The following TSPAN18 variants were observed in gnomAD, a reference collection of about 807,000 sequenced individuals.
TSPAN18 encodes tetraspanin-18.
A neutral mutation model predicts 27.3 loss-of-function variants in TSPAN18; 14 were observed. The ratio of observed to expected loss-of-function variants is 0.51; its 90% CI spans 0.34 to 0.80. The LOEUF is 0.80. Ranked by LOEUF, TSPAN18 falls within the 30% of genes least tolerant of loss-of-function variation. The pLI is 0.01. For synonymous variants in TSPAN18, 143 were observed against 136.5 expected, an observed-to-expected ratio of 1.05 and a Z score of -0.33; for missense variants, 268 against 323.9, an observed-to-expected ratio of 0.83 and a Z score of 1.32.
rs1554941244 is a variant in TSPAN18, at chr11:44,924,097, T to TGTGTGTGTGTG, written c.616-2577_616-2576insGTGTGTGTGTG. Among the ~76,000 whole-genome samples the TGTGTGTGTGTG allele has an allele frequency of 1.5e-3, 214 of 145,874 alleles. 2 individuals carry two copies. Among genetic ancestry groups the TGTGTGTGTGTG allele is most frequent in the African/African-American group, 5.3e-3 (208 of 38,970 alleles). Reference sequence around the variant, plus strand: ...CTGCTTCTCCTGTCCCCTTCTGGGGTTGTGTGTGTGTGTGTGTGTGTGTGT... The same window carrying TGTGTGTGTGTG: ...CTGCTTCTCCTGTCCCCTTCTGGGGTGTGTGTGTGTGTGTGTGTGTGTGTGTGTGTGTGTGT... On this transcript the variant is annotated intron_variant, in intron 8 of 9. Transcript: ENST00000520358.
At chr11:44,888,845 T>C (rs1858748561) in intron 3 of TSPAN18, among the ~76,000 whole-genome samples, 1 of 152,188 alleles carries the variant, frequency 6.6e-6, no homozygotes, top group Admixed American at 6.5e-5. Flanking sequence ...ACCACGAGGA[T>C]GGTGATATAG....
intron 3 of TSPAN18, among the ~76,000 whole-genome samples, chr11:44,905,998 T>G (rs1859439325): frequency 6.6e-6 from 1 of 152,124 alleles, no homozygotes; most frequent in Non-Finnish European, 1.5e-5. Flanking sequence ...TTTTCTCATC[T>G]ATGAAATGGC....
At chr11:44,900,335 G>C (rs1281768362) in intron 3 of TSPAN18, among the ~76,000 whole-genome samples, 1 of 152,218 alleles carries the variant, frequency 6.6e-6, no homozygotes, top group Non-Finnish European at 1.5e-5. Flanking sequence ...AGACAGGTCT[G>C]CACTTTGGAG....
rs537863615 is a variant in TSPAN18, at chr11:44,920,503, CA to C, written c.615+505del. On this transcript the variant is annotated intron_variant, in intron 8 of 9. Transcript: ENST00000520358. ...CTCTTGCAACCTGAGGACTTCCTCGCAGCCTTGGAAGAAACCCTTTCCCTTC... is the reference window on the plus strand; with the variant it reads ...CTCTTGCAACCTGAGGACTTCCTCGCGCCTTGGAAGAAACCCTTTCCCTTC... Among the ~76,000 whole-genome samples the C allele has an allele frequency of 1.2e-4, 18 of 152,312 alleles. No homozygotes were observed. In the South Asian group the frequency reaches 3.7e-3, roughly 32 times the overall value.
intron 3 of TSPAN18, among the ~76,000 whole-genome samples, chr11:44,861,982 C>A (rs1241457346): frequency 1.3e-5 from 2 of 152,166 alleles, no homozygotes; most frequent in African/African-American, 4.8e-5. Flanking sequence ...CTTGAGTAGA[C>A]CTCCACTCGC....
At chr11:44,838,226 C>T (rs1293333495) in intron 2 of TSPAN18, among the ~76,000 whole-genome samples, 1 of 152,046 alleles carries the variant, frequency 6.6e-6, no homozygotes, top group Non-Finnish European at 1.5e-5. Flanking sequence ...GCTGGGGAGG[C>T]CTCACAATCA....
chr11:44,786,526 G>T (rs1278604523), intron 2 of TSPAN18, among the ~76,000 whole-genome samples: 1 of 152,034 alleles, frequency 6.6e-6, no homozygotes, highest in Non-Finnish European at 1.5e-5. Context: ...AAGCATGAGG[G>T]CTCTCCTCCC....
intron 3 of TSPAN18, among the ~76,000 whole-genome samples, chr11:44,872,937 G>A (rs938956777): frequency 1.3e-5 from 2 of 152,208 alleles, no homozygotes; most frequent in Admixed American, 1.3e-4. Flanking sequence ...TGCATGCTGA[G>A]TGTTCCGACA....
At chr11:44,918,151 A>C (rs1484790363) in intron 6 of TSPAN18, 105 bp downstream of exon 6, 1 of 1,216,248 alleles carries the variant, frequency 8.2e-7, no homozygotes, top group Non-Finnish European at 1.2e-6. Flanking sequence ...GAGAGTGGGC[A>C]GCCTCTCATC....
chr11:44,909,845 C>G lies in TSPAN18; in HGVS notation c.204C>G (p.Leu68=), dbSNP rs200109095. ...CCATGGGGGGCCTGCTCTTTCTGCT[C>G]GGCTTCCTGGGCTGCTGCGGGGCCG... The part of the protein sequence containing the change: ...LLAMGGLLFL[L]GFLGCCGAVR... The change falls in exon 5 of 10, where the codon CTC becomes CTG. Residue 68 remains leucine (L), a synonymous_variant. Coordinates refer to ENST00000520358, the MANE Select transcript of TSPAN18 (RefSeq NM_130783.5). The G allele has an allele frequency of 6.2e-7, 1 of 1,614,068 alleles. No homozygotes were observed. Among genetic ancestry groups the G allele is most frequent in the Non-Finnish European group, 8.5e-7 (1 of 1,180,016 alleles).
chr11:44,740,369 C>T (rs180969860), intron 1 of TSPAN18, among the ~76,000 whole-genome samples: 1 of 152,138 alleles, frequency 6.6e-6, no homozygotes, highest in South Asian at 2.1e-4. Flanking sequence ...GTTTTATTTT[C>T]CTTTCCAGAG....
intron 6 of TSPAN18, 151 bp from the exon 7 acceptor site, chr11:44,919,063 G>A: frequency 1.5e-6 from 1 of 651,578 alleles, no homozygotes; most frequent in South Asian, 1.7e-5. Flanking sequence ...CAAGTTGGTG[G>A]TTTAGGAGAA....
In TSPAN18 at chr11:44,807,226, AAAAAAAAAAAG is replaced by A. The variant is rs1209716904; in HGVS notation, c.-153+42717_-153+42727del. Among the ~76,000 whole-genome samples, 27 of 22,906 alleles carry A rather than the reference AAAAAAAAAAAG, an allele frequency of 1.2e-3. 4 individuals are homozygous for A. Among genetic ancestry groups the A allele is most frequent in the African/African-American group, 1.8e-3 (26 of 14,514 alleles). The allele number at this position is 22,906 out of a possible 152,430, so 15.0% of individuals were successfully genotyped here. ...AAAAAAAAAAAAAAAAAAAAAAAAA[AAAAAAAAAAAG>A]AAGGAAAGAGGCCAGGCACCGTGGC... is the stretch of plus-strand genomic sequence containing the variant. On this transcript the variant is annotated intron_variant, in intron 2 of 9. Transcript: ENST00000520358.
chr11:44,920,169 C>G (rs1355721467), intron 8 of TSPAN18, among the ~76,000 whole-genome samples, 170 bp downstream of exon 8: 1 of 152,194 alleles, frequency 6.6e-6, no homozygotes, highest in South Asian at 2.1e-4. Context: ...GATGGAGGCT[C>G]TCTGTCCAAG....
intron 2 of TSPAN18, among the ~76,000 whole-genome samples, chr11:44,816,368 T>G (rs1186161656): frequency 6.6e-6 from 1 of 152,360 alleles, no homozygotes; most frequent in East Asian, 1.9e-4. Flanking sequence ...ATGCATGTGC[T>G]TGTACCAGCT....
At chr11:44,831,539 C>T (rs1857153428) in intron 2 of TSPAN18, among the ~76,000 whole-genome samples, 1 of 152,212 alleles carries the variant, frequency 6.6e-6, no homozygotes, top group South Asian at 2.1e-4. Context: ...CATCACTGTG[C>T]TTGTTTACAC....
chr11:44,911,459 A>C (rs1022733445), intron 5 of TSPAN18, among the ~76,000 whole-genome samples: 8 of 152,176 alleles, frequency 5.3e-5, no homozygotes, highest in African/African-American at 1.9e-4. Flanking sequence ...TCAACAGCGC[A>C]AACACTGCAG....
At chr11:44,809,696 G>A (rs1471179349) in intron 2 of TSPAN18, among the ~76,000 whole-genome samples, 1 of 152,172 alleles carries the variant, frequency 6.6e-6, no homozygotes, top group Non-Finnish European at 1.5e-5. Context: ...GGGCAAGGCA[G>A]GCTGGCACCA....
At chr11:44,810,013 G>A (rs1856679599) in intron 2 of TSPAN18, among the ~76,000 whole-genome samples, 2 of 152,192 alleles carry the variant, frequency 1.3e-5, no homozygotes, top group Admixed American at 6.5e-5. Context: ...GTGATGGAGC[G>A]AGAGTGGACC....
Sources: allele counts gnomAD v4.1 joint callset (sites outside exome capture counted in the v4.1 genomes callset), GRCh38; gene constraint gnomAD v4.1.1; transcripts MANE v1.5; gene names NCBI Gene and HGNC (gene_info 2026-07-23, HGNC 2026-07-21).